Variants in FCHO2 observed in about 807,000 individuals in gnomAD.
FCHO2 encodes F-BAR domain only protein 2.
A neutral mutation model predicts 114.1 loss-of-function variants in FCHO2; 43 were observed. The observed-to-expected ratio is 0.38, with a 90% CI of 0.30 to 0.49. FCHO2 has a LOEUF of 0.49. Among genes scored for constraint, FCHO2 ranks in the 20% least tolerant of loss-of-function variants. FCHO2 has a pLI of 0.97. For missense variants in FCHO2, 807 were observed against 950.4 expected, an observed-to-expected ratio of 0.85 and a Z score of 1.98; for synonymous variants, 293 against 315.2, an observed-to-expected ratio of 0.93 and a Z score of 0.75.
Position 72,989,389 on chromosome 5 carries a change from A to C in FCHO2, c.126-38A>C. On this transcript the variant is annotated intron_variant, in intron 2 of 25. Coordinates refer to ENST00000430046, the MANE Select transcript of FCHO2 (RefSeq NM_138782.3). ...ATAACTTTGCTGTTTTTGGTCACTA[A>C]ATAAGAAGTATTATGATGTGGATAT... is the stretch of plus-strand genomic sequence containing the variant. The C allele has an allele frequency of 3.4e-6, 5 of 1,478,274 alleles. No homozygotes were observed. The South Asian group carries it at 3.8e-5, about 11-fold the overall frequency. The allele number at this position is 1,478,274 out of a possible 1,614,324, so 91.6% of individuals were successfully genotyped here. A position where few individuals can be genotyped will look rare whatever the true frequency, so the allele number is the denominator to read the frequency against.
chr5:73,079,323 A>G (rs965870629), intron 22 of FCHO2, among the ~76,000 whole-genome samples: 1 of 152,214 alleles, frequency 6.6e-6, no homozygotes, highest in Non-Finnish European at 1.5e-5. Context: ...AAAGCTTAGT[A>G]TAGACAGTAT....
intron 5 of FCHO2, chr5:72,997,372 G>T: frequency 6.3e-7 from 1 of 1,591,358 alleles, no homozygotes; most frequent in Non-Finnish European, 8.6e-7. Context: ...TTCTTAAGAC[G>T]AGATACTACG....
chr5:73,054,443 G>T, intron 14 of FCHO2, 82 bp from the exon 15 acceptor site: 1 of 1,200,968 alleles, frequency 8.3e-7, no homozygotes, highest in Non-Finnish European at 1.2e-6. Context: ...ATAAAATTAG[G>T]TTCCCAGTAT....
chr5:72,987,225 C>T (rs1753574317), intron 2 of FCHO2, among the ~76,000 whole-genome samples: 1 of 151,932 alleles, frequency 6.6e-6, no homozygotes, highest in Non-Finnish European at 1.5e-5. Flanking sequence ...GAATTTTGAC[C>T]ATGACCTGTC....
At chr5:73,001,595 G>A (rs1754444604) in intron 5 of FCHO2, among the ~76,000 whole-genome samples, 1 of 149,952 alleles carries the variant, frequency 6.7e-6, no homozygotes, top group Non-Finnish European at 1.5e-5. Context: ...GCTTCTTAAA[G>A]TTGATTTGTA....
chr5:72,970,686 C>A (rs940408187), intron 2 of FCHO2, among the ~76,000 whole-genome samples: 48 of 150,552 alleles, frequency 3.2e-4, no homozygotes, highest in Middle Eastern at 3.4e-3. Flanking sequence ...CTTTCTTTTT[C>A]TTTTTTTTTA....
intron 1 of FCHO2, among the ~76,000 whole-genome samples, chr5:72,959,679 A>G (rs1751743979): frequency 6.6e-6 from 1 of 152,216 alleles, no homozygotes; most frequent in Admixed American, 6.5e-5. Flanking sequence ...TATGTTTTTC[A>G]TCAATTAAAA....
chr5:72,982,240 C>T (rs1232772330), intron 2 of FCHO2, among the ~76,000 whole-genome samples: 1 of 152,132 alleles, frequency 6.6e-6, no homozygotes, highest in Non-Finnish European at 1.5e-5. Flanking sequence ...TGGGCTGCAC[C>T]CACTGTCTAA....
At chr5:73,055,364 T>C (rs1757543406) in intron 15 of FCHO2, among the ~76,000 whole-genome samples, 1 of 152,190 alleles carries the variant, frequency 6.6e-6, no homozygotes, top group South Asian at 2.1e-4. Flanking sequence ...TATCATGTAC[T>C]GTGATACTCC....
intron 5 of FCHO2, chr5:72,997,665 T>C: frequency 6.6e-7 from 1 of 1,522,330 alleles, no homozygotes; most frequent in Admixed American, 1.7e-5. Context: ...CCCCTTCACC[T>C]GAGTTGGGGT....
intron 11 of FCHO2, among the ~76,000 whole-genome samples, chr5:73,050,818 C>A (rs1348760485): frequency 5.9e-5 from 9 of 152,082 alleles, no homozygotes; most frequent in Non-Finnish European, 1.2e-4. Context: ...CTGCCTCTCT[C>A]ATGACACACA....
At chr5:72,981,051 C>T (rs1428664138) in intron 2 of FCHO2, among the ~76,000 whole-genome samples, 2 of 151,960 alleles carry the variant, frequency 1.3e-5, no homozygotes, top group Non-Finnish European at 2.9e-5. Context: ...GTGGTCTTTA[C>T]AATTTGGTAT....
chr5:73,038,330 A>G (rs1402673041), intron 10 of FCHO2, among the ~76,000 whole-genome samples: 2 of 152,186 alleles, frequency 1.3e-5, no homozygotes, highest in African/African-American at 4.8e-5. Flanking sequence ...CCTAATGTAT[A>G]CCTGGGGTTA....
intron 2 of FCHO2, among the ~76,000 whole-genome samples, chr5:72,988,115 A>G (rs1435619826): frequency 6.6e-6 from 1 of 152,170 alleles, no homozygotes; most frequent in Admixed American, 6.5e-5. Flanking sequence ...GAGCCAGGCA[A>G]AAGGTAAAAC....
intron 5 of FCHO2, among the ~76,000 whole-genome samples, chr5:72,992,176 G>A (rs759802190): frequency 6.6e-6 from 1 of 152,028 alleles, no homozygotes; most frequent in Non-Finnish European, 1.5e-5. Context: ...GAGCAATAAG[G>A]CACATAATCT....
chr5:72,971,149 C>T (rs1253705951), intron 2 of FCHO2, among the ~76,000 whole-genome samples: 5 of 151,972 alleles, frequency 3.3e-5, no homozygotes, highest in South Asian at 2.1e-4. Flanking sequence ...TGAATAATGC[C>T]GCAATAAACA....
At chr5:72,996,704 C>T (rs559694413) in intron 5 of FCHO2, among the ~76,000 whole-genome samples, 12 of 152,292 alleles carry the variant, frequency 7.9e-5, no homozygotes, top group Admixed American at 7.8e-4. Context: ...CGCAGGCTGC[C>T]AACGCCTGTC....
At position 73,063,835 on chromosome 5, in the gene FCHO2, A is replaced by C; in HGVS notation, c.1346-6A>C. 6.2e-7 allele frequency: 1 copy of C among 1,610,112 alleles called. No individual in the cohort carries two copies. The highest frequency in any genetic ancestry group is 8.5e-7 in the Non-Finnish European group (1 of 1,177,802). ...TTCTTCAAATTCTCTTTTCCCCCTC[A>C]ACCAGCCAGGCCCACAACTCCTCTT... On this transcript the variant is annotated splice_region_variant and splice_polypyrimidine_tract_variant and intron_variant, in intron 17 of 25. Coordinates refer to ENST00000430046, the MANE Select transcript of FCHO2 (RefSeq NM_138782.3).
chr5:73,035,794 AC>A (rs1756469750), intron 9 of FCHO2, among the ~76,000 whole-genome samples: 1 of 151,728 alleles, frequency 6.6e-6, no homozygotes, highest in African/African-American at 2.4e-5. Context: ...GAGCCACCAC[AC>A]CCAGTCTCTA....
Sources: allele counts gnomAD v4.1 joint callset (sites outside exome capture counted in the v4.1 genomes callset), GRCh38; gene constraint gnomAD v4.1.1; transcripts MANE v1.5; gene names NCBI Gene and HGNC (gene_info 2026-07-23, HGNC 2026-07-21).